The following AUTS2 variants were observed in gnomAD, a reference collection of about 807,000 sequenced individuals.
The protein encoded by AUTS2 is autism susceptibility gene 2 protein.
In AUTS2, 17 loss-of-function variants were observed where a neutral mutation model predicts 112.4. The observed-to-expected ratio is 0.15, with a 90% CI of 0.10 to 0.23. AUTS2 has a LOEUF of 0.23. AUTS2 is among the 10% of genes least tolerant of loss of function. AUTS2 has a pLI of 1.00. For synonymous variants in AUTS2, 751 were observed against 702.7 expected (o/e 1.07, Z -1.09); for missense variants, 1,510 against 1,701.6 (o/e 0.89, Z 1.98).
chr7:70,413,695 T>G (rs1212194481), intron 4 of AUTS2, among the ~76,000 whole-genome samples: 1 of 152,206 alleles, frequency 6.6e-6, no homozygotes, highest in African/African-American at 2.4e-5. Flanking sequence ...TTTGTTTTTT[T>G]GAGACAGGGT....
chr7:70,700,627 G>A (rs1158626465), intron 6 of AUTS2, among the ~76,000 whole-genome samples: 6 of 152,142 alleles, frequency 3.9e-5, no homozygotes, highest in African/African-American at 1.2e-4. Flanking sequence ...GGAAAGCATC[G>A]GGGACAGTTT....
intron 4 of AUTS2, among the ~76,000 whole-genome samples, chr7:70,139,551 T>G (rs191198300): frequency 6.6e-6 from 1 of 152,240 alleles, no homozygotes; most frequent in African/African-American, 2.4e-5. Flanking sequence ...CAGCCACTTT[T>G]AAATATTTCT....
chr7:69,657,546 C>T (rs1037919267), intron 1 of AUTS2, among the ~76,000 whole-genome samples: 6 of 152,098 alleles, frequency 3.9e-5, no homozygotes, highest in African/African-American at 9.7e-5. Flanking sequence ...TGGATTTTGC[C>T]GGAGGTCCTG....
At chr7:70,660,767 T>C (rs1209103680) in intron 5 of AUTS2, among the ~76,000 whole-genome samples, 1 of 152,236 alleles carries the variant, frequency 6.6e-6, no homozygotes, top group African/African-American at 2.4e-5. Context: ...TTTGTCATGC[T>C]ATCGTTTGTT....
At chr7:69,768,151 G>A (rs925160247) in intron 1 of AUTS2, among the ~76,000 whole-genome samples, 3 of 152,168 alleles carry the variant, frequency 2.0e-5, no homozygotes, top group Non-Finnish European at 4.4e-5. Context: ...TGATGCAATG[G>A]GATGGAGTGG....
chr7:70,707,264 G>C (rs1184960011), intron 6 of AUTS2, among the ~76,000 whole-genome samples: 1 of 152,172 alleles, frequency 6.6e-6, no homozygotes, highest in Non-Finnish European at 1.5e-5. Context: ...TGAATAGCTA[G>C]CATTTATTGA....
At chr7:70,243,277 G>A (rs55921331) in intron 4 of AUTS2, among the ~76,000 whole-genome samples, 1 of 133,220 alleles carries the variant, frequency 7.5e-6, no homozygotes, top group African/African-American at 2.9e-5. Flanking sequence ...GTGTGTGTGT[G>A]TGTATGAGTA....
intron 1 of AUTS2, among the ~76,000 whole-genome samples, chr7:69,813,861 G>A (rs997370188): frequency 1.3e-5 from 2 of 152,204 alleles, no homozygotes; most frequent in African/African-American, 4.8e-5. Flanking sequence ...GACTCTGGGT[G>A]TGAACTAAGG....
chr7:69,652,321 A>G (rs1239181103), intron 1 of AUTS2, among the ~76,000 whole-genome samples: 1 of 151,928 alleles, frequency 6.6e-6, no homozygotes, highest in Non-Finnish European at 1.5e-5. Flanking sequence ...GTAGCAAAAT[A>G]GGCTGTCTCC....
intron 1 of AUTS2, among the ~76,000 whole-genome samples, chr7:69,682,866 A>G (rs988864453): frequency 2.0e-5 from 3 of 152,186 alleles, no homozygotes; most frequent in Non-Finnish European, 4.4e-5. Context: ...TGGGAGGATC[A>G]CTTGATCCCA....
At chr7:69,917,637 G>GT (rs1358486221) in intron 2 of AUTS2, among the ~76,000 whole-genome samples, 1 of 152,008 alleles carries the variant, frequency 6.6e-6, no homozygotes, top group African/African-American at 2.4e-5. Context: ...ACAATATATT[G>GT]TTTTTTGTCC....
chr7:70,112,691 T>C (rs943747052), intron 2 of AUTS2, among the ~76,000 whole-genome samples: 1 of 152,024 alleles, frequency 6.6e-6, no homozygotes, highest in African/African-American at 2.4e-5. Context: ...TTTTACCTAT[T>C]TATTTCTAAC....
At chr7:69,636,922 C>T (rs961899048) in intron 1 of AUTS2, among the ~76,000 whole-genome samples, 5 of 152,036 alleles carry the variant, frequency 3.3e-5, no homozygotes, top group Admixed American at 6.5e-5. Flanking sequence ...CCTGCCACCA[C>T]GTCCGGCTAA....
intron 5 of AUTS2, among the ~76,000 whole-genome samples, chr7:70,643,315 G>A (rs548060750): frequency 2.3e-4 from 35 of 152,336 alleles, no homozygotes; most frequent in Middle Eastern, 3.4e-3. Flanking sequence ...GCTCACGCCC[G>A]TAATCCCAGC....
At chr7:69,679,859 T>A (rs1479693831) in intron 1 of AUTS2, among the ~76,000 whole-genome samples, 1 of 152,204 alleles carries the variant, frequency 6.6e-6, no homozygotes, top group African/African-American at 2.4e-5. Flanking sequence ...GTTGCCTTAC[T>A]TGGTTGAATT....
intron 5 of AUTS2, among the ~76,000 whole-genome samples, chr7:70,599,158 C>A (rs1231424355): frequency 1.3e-5 from 2 of 152,150 alleles, no homozygotes; most frequent in African/African-American, 4.8e-5. Flanking sequence ...CACTTCTGCC[C>A]AAGTAACTCC....
chr7:70,768,130 C>A, intron 10 of AUTS2, 62 bp downstream of exon 10: 1 of 1,484,686 alleles, frequency 6.7e-7, no homozygotes, highest in South Asian at 1.2e-5. Flanking sequence ...GTGCTCTTGC[C>A]ACAGATCAGT....
At chr7:69,867,341 A>G (rs1240599819) in intron 1 of AUTS2, among the ~76,000 whole-genome samples, 1 of 152,122 alleles carries the variant, frequency 6.6e-6, no homozygotes, top group Non-Finnish European at 1.5e-5. Flanking sequence ...CACCTACTCA[A>G]ATTGAGTCAC....
intron 2 of AUTS2, among the ~76,000 whole-genome samples, chr7:70,012,869 A>G (rs939798283): frequency 5.9e-5 from 9 of 152,214 alleles, no homozygotes; most frequent in African/African-American, 1.7e-4. Context: ...GATAAATGAT[A>G]ATGTAGTAAC....
Sources: gnomAD v4.1 joint callset for allele counts (sites outside exome capture counted in the v4.1 genomes callset) on GRCh38, gnomAD v4.1.1 for gene constraint, MANE v1.5 for transcripts, NCBI Gene and HGNC (gene_info 2026-07-23, HGNC 2026-07-21) for gene names.